ZNF420: variants seen among roughly 807,000 people sequenced by gnomAD.
The protein encoded by ZNF420 is zinc finger protein 420, also known as ATM and p53-associated KZNF protein.
Under a neutral mutation model 44.7 loss-of-function variants are expected in ZNF420, and 31 were observed. That is an observed-to-expected ratio of 0.69 (90% CI 0.52 to 0.94). ZNF420 has a LOEUF of 0.94. Ranked by LOEUF, ZNF420 falls within the 40% of genes least tolerant of loss-of-function variation. The pLI, the probability that ZNF420 is intolerant of heterozygous loss-of-function variation, is 0.00. For synonymous variants in ZNF420, 245 were observed against 267.4 expected, an observed-to-expected ratio of 0.92 and a Z score of 0.82; for missense variants, 681 against 827.9, an observed-to-expected ratio of 0.82 and a Z score of 2.18.
chr19:37,123,382 C>A (rs929991332), intron 4 of ZNF420, among the ~76,000 whole-genome samples: 1 of 152,054 alleles, frequency 6.6e-6, no homozygotes. Context: ...TGAATAGGTT[C>A]CAATTTTGTA....
intron 4 of ZNF420, among the ~76,000 whole-genome samples, chr19:37,123,456 G>C (rs1427729760): frequency 6.6e-6 from 1 of 152,010 alleles, no homozygotes; most frequent in Non-Finnish European, 1.5e-5. Context: ...AATTTTTTCA[G>C]AACACTAAGA....
At chr19:37,113,606 G>C (rs1970499837) in intron 4 of ZNF420, among the ~76,000 whole-genome samples, 1 of 152,182 alleles carries the variant, frequency 6.6e-6, no homozygotes, top group Non-Finnish European at 1.5e-5. Flanking sequence ...GCAAAATCAG[G>C]GTAGGGCTCC....
intron 1 of ZNF420, among the ~76,000 whole-genome samples, chr19:37,068,421 C>A (rs1273857638): frequency 6.6e-6 from 1 of 152,136 alleles, no homozygotes; most frequent in Non-Finnish European, 1.5e-5. Context: ...GGGCGGATCA[C>A]CTGAGGTCAG....
At chr19:37,049,335 G>C (rs1055668095) in intron 1 of ZNF420, among the ~76,000 whole-genome samples, 2 of 152,312 alleles carry the variant, frequency 1.3e-5, no homozygotes, top group South Asian at 4.1e-4. Flanking sequence ...CCCACCAACA[G>C]TGTAAAAGTG....
chr19:37,043,333 A>G (rs895347146), intron 1 of ZNF420, among the ~76,000 whole-genome samples: 2 of 152,206 alleles, frequency 1.3e-5, no homozygotes, highest in Non-Finnish European at 2.9e-5. Flanking sequence ...CGAGGAAATG[A>G]AAGGACCAGT....
intron 1 of ZNF420, among the ~76,000 whole-genome samples, chr19:37,028,657 C>T (rs1967194549): frequency 1.3e-5 from 2 of 152,142 alleles, no homozygotes; most frequent in Admixed American, 1.3e-4. Flanking sequence ...TTTCTGTATT[C>T]TGGGCCACAC....
chr19:37,117,233 C>T (rs1168569919), intron 4 of ZNF420, among the ~76,000 whole-genome samples: 4 of 152,178 alleles, frequency 2.6e-5, no homozygotes, highest in Non-Finnish European at 5.9e-5. Context: ...CCTCACATGG[C>T]CGGGTACTCC....
At position 37,130,234 on chromosome 19, in the gene ZNF420, T is replaced by C. The variant is rs1213111995; in HGVS notation, c.*1176T>C. The C allele has an allele frequency of 1.3e-6, 2 of 1,531,926 alleles. No homozygotes were observed. The highest frequency in any genetic ancestry group is 5.0e-5 in the East Asian group (2 of 40,158). 94.9% of individuals were successfully genotyped at this position (1,531,926 alleles called of 1,614,324 possible). On this transcript the variant is annotated 3_prime_UTR_variant, in exon 5 of 5. Transcript: ENST00000337995. ...GAAATACAGAAGGAGTCTGCAACCC[T>C]GATGACTTTGTGGAACAGCCATACT... is the stretch of plus-strand genomic sequence containing the variant.
chr19:37,098,438 GCTGTATATCAGTTATTA>G (rs1969582970), intron 4 of ZNF420, among the ~76,000 whole-genome samples: 1 of 152,064 alleles, frequency 6.6e-6, no homozygotes, highest in African/African-American at 2.4e-5. Flanking sequence ...TGTGGTTATT[GCTGTATATCAGTTATTA>G]TATCTTCATG....
At chr19:37,025,087 CTAAG>C in intron 1 of ZNF420, 2 of 273,414 alleles carry the variant, frequency 7.3e-6, no homozygotes, top group Non-Finnish European at 1.5e-5. Context: ...TTGATGTTGA[CTAAG>C]TCATCCATAC....
Position 37,127,513 on chromosome 19 carries a change from G to GGCCTTTAGTCGT in ZNF420, c.524_535dup (p.Ala175_Arg178dup), listed in dbSNP as rs769997668. The GGCCTTTAGTCGT allele has an allele frequency of 6.2e-7, 1 of 1,613,838 alleles. No homozygotes were observed. The highest frequency in any genetic ancestry group is 8.5e-7 in the Non-Finnish European group (1 of 1,179,848). On this transcript the variant is annotated inframe_insertion, in exon 5 of 5. Transcript: ENST00000337995. Reference sequence around the variant, plus strand: ...CCTATGAATGTAAGCAATGCGGGAAGGCCTTTAGTCGTGATTCACAACTCA... The same window carrying GGCCTTTAGTCGT: ...CCTATGAATGTAAGCAATGCGGGAAGGCCTTTAGTCGTGCCTTTAGTCGTGATTCACAACTCA...
At chr19:37,110,980 G>C (rs541110472) in intron 4 of ZNF420, among the ~76,000 whole-genome samples, 19 of 152,182 alleles carry the variant, frequency 1.2e-4, no homozygotes, top group Admixed American at 5.2e-4. Context: ...TGTCTAACTT[G>C]TTCCTTGGTT....
At chr19:37,031,065 A>G (rs1967249134) in intron 1 of ZNF420, among the ~76,000 whole-genome samples, 1 of 152,106 alleles carries the variant, frequency 6.6e-6, no homozygotes, top group Admixed American at 6.5e-5. Flanking sequence ...CATGTTGGCC[A>G]GGCTGGTCTC....
chr19:37,071,863 G>T (rs1279811134), intron 1 of ZNF420, among the ~76,000 whole-genome samples: 1 of 151,852 alleles, frequency 6.6e-6, no homozygotes, highest in East Asian at 1.9e-4. Context: ...GCTGTATTGA[G>T]AATTAAAAAA....
chr19:37,015,614 A>C (rs892752741), intron 1 of ZNF420, among the ~76,000 whole-genome samples: 3 of 152,158 alleles, frequency 2.0e-5, no homozygotes, highest in African/African-American at 7.2e-5. Context: ...GACAGGGGTG[A>C]GGATACAGTC....
chr19:37,038,900 C>T (rs539941621), intron 1 of ZNF420, among the ~76,000 whole-genome samples: 2 of 152,046 alleles, frequency 1.3e-5, no homozygotes, highest in East Asian at 1.9e-4. Flanking sequence ...GCAGGAGAAT[C>T]GCTTGAACCC....
chr19:37,106,422 A>G (rs181190857), intron 4 of ZNF420, among the ~76,000 whole-genome samples: 4 of 152,288 alleles, frequency 2.6e-5, no homozygotes, highest in African/African-American at 4.8e-5. Context: ...GTTTGCCAGT[A>G]TTTTATCTTC....
At chr19:37,079,991 T>G (rs1164684384) in intron 1 of ZNF420, among the ~76,000 whole-genome samples, 1 of 151,994 alleles carries the variant, frequency 6.6e-6, no homozygotes, top group East Asian at 1.9e-4. Context: ...TGAAACTCAT[T>G]CTCTAAATAA....
At chr19:37,097,574 ATACTCT>A (rs542266950) in intron 4 of ZNF420, among the ~76,000 whole-genome samples, 21 of 152,188 alleles carry the variant, frequency 1.4e-4, no homozygotes, top group Non-Finnish European at 2.2e-4. Context: ...CATCTGGTAG[ATACTCT>A]TAACTAGGTT....
Sources: gnomAD v4.1 joint callset for allele counts (sites outside exome capture counted in the v4.1 genomes callset) on GRCh38, gnomAD v4.1.1 for gene constraint, MANE v1.5 for transcripts, NCBI Gene and HGNC (gene_info 2026-07-23, HGNC 2026-07-21) for gene names.